NBAS: variants seen among roughly 807,000 people sequenced by gnomAD.
NBAS encodes the protein NAG/BC035112 fusion.
Under a neutral mutation model 302.5 loss-of-function variants are expected in NBAS, and 219 were observed. That is an observed-to-expected ratio of 0.72 (90% CI 0.65 to 0.81). The LOEUF (loss-of-function observed/expected upper bound fraction) is 0.81, where lower values mean the gene tolerates loss of function less well. Among genes scored for constraint, NBAS ranks in the 30% least tolerant of loss-of-function variants. The pLI, the probability that NBAS is intolerant of heterozygous loss-of-function variation, is 0.00. For missense variants in NBAS, 2,932 were observed against 2,841.6 expected (o/e 1.03, Z -0.72); for synonymous variants, 1,118 against 1,021.6 (o/e 1.09, Z -1.80).
At chr2:15,171,667 C>T (rs940948087) in intron 51 of NBAS, among the ~76,000 whole-genome samples, 9 of 152,156 alleles carry the variant, frequency 5.9e-5, no homozygotes, top group African/African-American at 2.2e-4. Context: ...GTGTCCCGCA[C>T]AAATTCGTAT....
At chr2:15,090,065 C>T in the NBAS span, among the ~76,000 whole-genome samples, 1 of 152,248 alleles carries the variant, frequency 6.6e-6, no homozygotes, top group African/African-American at 2.4e-5. Context: ...GGTTTTTAAA[C>T]ATTCTGCAGG....
intron 44 of NBAS, among the ~76,000 whole-genome samples, chr2:15,261,187 C>T (rs1668835549): frequency 6.6e-6 from 1 of 152,238 alleles, no homozygotes; most frequent in African/African-American, 2.4e-5. Flanking sequence ...AGTCATCTCT[C>T]TGTGTGCTGA....
At chr2:15,359,020 C>T (rs143683064) in intron 32 of NBAS, among the ~76,000 whole-genome samples, 10 of 152,264 alleles carry the variant, frequency 6.6e-5, no homozygotes, top group African/African-American at 2.4e-4. Context: ...AATAAAACTG[C>T]AATTAAACCT....
chr2:14,781,977 T>C, the NBAS span, among the ~76,000 whole-genome samples: 1 of 152,128 alleles, frequency 6.6e-6, no homozygotes, highest in African/African-American at 2.4e-5. Context: ...TGTCTGTCTC[T>C]TCCTCCTCCC....
chr2:14,899,247 G>A, the NBAS span, among the ~76,000 whole-genome samples: 7 of 152,320 alleles, frequency 4.6e-5, no homozygotes, highest in African/African-American at 1.7e-4. Flanking sequence ...AGAAGAGGTG[G>A]GGACAGAAAA....
the NBAS span, among the ~76,000 whole-genome samples, chr2:14,998,935 TCA>T: frequency 1.1e-4 from 17 of 152,290 alleles, no homozygotes; most frequent in African/African-American, 4.1e-4. Flanking sequence ...ACGCTGGCAA[TCA>T]TCGAATTAGT....
intron 32 of NBAS, among the ~76,000 whole-genome samples, chr2:15,365,167 C>T (rs1674138225): frequency 1.3e-5 from 2 of 152,142 alleles, no homozygotes; most frequent in African/African-American, 2.4e-5. Context: ...ATCCACAGTA[C>T]GTAGCAGAAA....
intron 26 of NBAS, among the ~76,000 whole-genome samples, chr2:15,400,021 A>G (rs1031536377): frequency 4.6e-5 from 7 of 152,156 alleles, no homozygotes; most frequent in African/African-American, 1.7e-4. Flanking sequence ...CTCCCAGGCA[A>G]TCTTTGACAG....
At chr2:14,856,831 G>A in the NBAS span, among the ~76,000 whole-genome samples, 1 of 151,434 alleles carries the variant, frequency 6.6e-6, no homozygotes, top group Non-Finnish European at 1.5e-5. Context: ...GCAAATATGA[G>A]TTATTAGCCT....
rs185791502 is a variant in NBAS, at chr2:15,325,979, G to C, written c.4582+1771C>G. On this transcript the variant is annotated intron_variant, in intron 38 of 51. Transcript: ENST00000281513. ...ATATTGTTGTGTCTCAGAGAACAGAGAGACCCAAGAAGAAGGAGAGAGATG... is the reference window on the plus strand; with the variant it reads ...ATATTGTTGTGTCTCAGAGAACAGACAGACCCAAGAAGAAGGAGAGAGATG... 1.4e-4 allele frequency among the ~76,000 whole-genome samples: 22 copies of C among 152,252 alleles called. No individual in the cohort carries two copies. The East Asian group carries it at 2.1e-3, about 15-fold the overall frequency.
At chr2:14,796,625 C>T in the NBAS span, among the ~76,000 whole-genome samples, 2 of 152,018 alleles carry the variant, frequency 1.3e-5, no homozygotes, top group Non-Finnish European at 2.9e-5. Context: ...AATGTCTGGG[C>T]AGATAGAGGC....
At chr2:15,051,631 C>T in the NBAS span, among the ~76,000 whole-genome samples, 2 of 152,196 alleles carry the variant, frequency 1.3e-5, no homozygotes, top group African/African-American at 2.4e-5. Flanking sequence ...ACATCGCAAA[C>T]CATTCCTCTT....
At chr2:15,335,710 T>C (rs1343788072) in intron 35 of NBAS, among the ~76,000 whole-genome samples, 1 of 152,200 alleles carries the variant, frequency 6.6e-6, no homozygotes. Flanking sequence ...AAGCTCTTTA[T>C]ATATTCTGGA....
rs151224747 is a variant in NBAS at position 15,227,151 on chromosome 2, G to T, written c.6236+5271C>A. ...GAATGCTTTTTCAGCATCTATTAATGAATTTGGTCAAGCTGCAGATATAAA... is the reference window on the plus strand; with the variant it reads ...GAATGCTTTTTCAGCATCTATTAATTAATTTGGTCAAGCTGCAGATATAAA... On this transcript the variant is annotated intron_variant, in intron 47 of 51. Transcript: ENST00000281513. 4.4e-3 allele frequency among the ~76,000 whole-genome samples: 670 copies of T among 152,196 alleles called. 3 individuals are homozygous for T. Among genetic ancestry groups the T allele is most frequent in the Non-Finnish European group, 7.5e-3 (508 of 67,982 alleles).
intron 41 of NBAS, 105 bp downstream of exon 41, chr2:15,292,432 C>T: frequency 8.4e-7 from 1 of 1,192,348 alleles, no homozygotes; most frequent in Non-Finnish European, 1.2e-6. Flanking sequence ...TCATAGCAAC[C>T]ATGAATGTAA....
At chr2:15,318,134 T>A (rs1178987862) in intron 38 of NBAS, among the ~76,000 whole-genome samples, 1 of 152,220 alleles carries the variant, frequency 6.6e-6, no homozygotes, top group African/African-American at 2.4e-5. Context: ...CAGAATTTCA[T>A]ATCCAGACAA....
At position 15,310,473 on chromosome 2, in the gene NBAS, A is replaced by C. The variant is rs192336917; in HGVS notation, c.4583-1226T>G. On this transcript the variant is annotated intron_variant, in intron 38 of 51. Transcript: ENST00000281513. ...CTATTTATTTCAAGGTCTACTTCCA[A>C]ATTTATTCCTTCACTCAACATCAAC... Among the ~76,000 whole-genome samples, 140 of 152,348 alleles carry C rather than the reference A, an allele frequency of 9.2e-4. 1 individual carries two copies. Among genetic ancestry groups the C allele is most frequent in the Admixed American group, 4.6e-3 (70 of 15,302 alleles).
Position 15,366,640 on chromosome 2 carries a change from G to C in NBAS, c.3757C>G (p.Pro1253Ala). 6.2e-7 allele frequency: 1 copy of C among 1,614,108 alleles called. No homozygotes were observed. Among genetic ancestry groups the C allele is most frequent in the Non-Finnish European group, 8.5e-7 (1 of 1,179,992 alleles). ...TTGGTGGATTGTTTATAGCATGTGG[G>C]GGACTGGGAAATACACTCCTTGATG... ...SLIKECISQSPTCYKQSTKLL... is the reference protein window; with the variant it reads ...SLIKECISQSATCYKQSTKLL... Residue 1253 changes from proline to alanine, a missense_variant, in exon 32 of 52, where the codon CCC becomes GCC. Coordinates refer to ENST00000281513, the MANE Select transcript of NBAS (RefSeq NM_015909.4).
At chr2:15,131,997 C>T in the NBAS span, among the ~76,000 whole-genome samples, 4 of 152,160 alleles carry the variant, frequency 2.6e-5, no homozygotes, top group East Asian at 7.7e-4. Flanking sequence ...CCTACTAGGC[C>T]CCACCTTCAA....
Sources: gnomAD v4.1 joint callset for allele counts (sites outside exome capture counted in the v4.1 genomes callset) on GRCh38, gnomAD v4.1.1 for gene constraint, MANE v1.5 for transcripts, NCBI Gene and HGNC (gene_info 2026-07-23, HGNC 2026-07-21) for gene names.